Variants in CACNB4 observed in about 807,000 individuals in gnomAD.
The protein encoded by CACNB4 is voltage-dependent L-type calcium channel subunit beta-4.
CACNB4 carries 32 observed loss-of-function variants against 71.2 expected under a neutral mutation model. The ratio of observed to expected loss-of-function variants is 0.45; its 90% CI spans 0.34 to 0.60. The LOEUF (loss-of-function observed/expected upper bound fraction) is 0.60. Ranked by LOEUF, CACNB4 falls within the 20% of genes least tolerant of loss-of-function variation. The probability of loss-of-function intolerance (pLI) is 0.01; values close to 1 mark genes in which losing one functional copy is unlikely to be tolerated. For missense variants in CACNB4, 464 were observed against 647.9 expected (o/e 0.72, Z 3.08); for synonymous variants, 231 against 236.9 (o/e 0.97, Z 0.23).
At chr2:151,842,883 C>CTTAGGTATGTTGAAGGGA in intron 12 of CACNB4, among the ~76,000 whole-genome samples, 2 of 152,254 alleles carry the variant, frequency 1.3e-5, no homozygotes, top group South Asian at 4.1e-4. Flanking sequence ...AAGGGAATAA[C>CTTAGGTATGTTGAAGGGA]ATTTACTTAG....
intron 2 of CACNB4, among the ~76,000 whole-genome samples, chr2:151,893,528 C>T (rs2099851256): frequency 1.3e-5 from 2 of 152,088 alleles, no homozygotes; most frequent in Non-Finnish European, 2.9e-5. Context: ...AGGCATGAGC[C>T]ATCGCACTCA....
At chr2:151,999,502 A>G (rs1047289880) in intron 2 of CACNB4, among the ~76,000 whole-genome samples, 6 of 152,082 alleles carry the variant, frequency 3.9e-5, no homozygotes, top group Non-Finnish European at 7.3e-5. Context: ...AAAATGCACA[A>G]CAACAGCCCC....
At chr2:151,853,777 T>C in intron 11 of CACNB4, 1 of 362,228 alleles carries the variant, frequency 2.8e-6, no homozygotes, top group Non-Finnish European at 4.9e-6. Context: ...AGGAGGAGCC[T>C]GAGTTCCCAT....
At chr2:152,027,287 G>C (rs1427443289) in intron 2 of CACNB4, among the ~76,000 whole-genome samples, 1 of 152,198 alleles carries the variant, frequency 6.6e-6, no homozygotes, top group Non-Finnish European at 1.5e-5. Flanking sequence ...CATCTCCTTT[G>C]TATTGTTTCA....
intron 2 of CACNB4, among the ~76,000 whole-genome samples, chr2:151,942,234 G>C (rs955867051): frequency 6.7e-6 from 1 of 149,274 alleles, no homozygotes; most frequent in East Asian, 1.9e-4. Context: ...AGGAAGTCAG[G>C]GACCCCAAAT....
At chr2:152,049,106 C>G (rs1685283333) in intron 2 of CACNB4, among the ~76,000 whole-genome samples, 1 of 151,990 alleles carries the variant, frequency 6.6e-6, no homozygotes, top group Admixed American at 6.6e-5. Flanking sequence ...CCCATCATAA[C>G]TTGTTTTCCT....
chr2:151,839,462 C>CTTAT, intron 13 of CACNB4, 83 bp from the exon 14 acceptor site: 1 of 1,105,536 alleles, frequency 9.0e-7, no homozygotes, highest in Non-Finnish European at 1.3e-6. Context: ...ATCATAGGAT[C>CTTAT]TGTACAATAA....
intron 2 of CACNB4, among the ~76,000 whole-genome samples, chr2:151,915,504 C>G (rs970440292): frequency 6.6e-6 from 1 of 152,178 alleles, no homozygotes; most frequent in Admixed American, 6.5e-5. Context: ...CCCTCCCCTG[C>G]GGGGGTTCTG....
At position 151,949,544 on chromosome 2, in the gene CACNB4, G is replaced by A. The variant is rs374305088; in HGVS notation, c.148-66174C>T. Among the ~76,000 whole-genome samples the A allele has an allele frequency of 7.9e-5, 12 of 152,184 alleles. No individual in the cohort carries two copies. The South Asian group carries it at 8.3e-4, about 11-fold the overall frequency. ...AAGAAGGTATAAAACAGCATGGTCC[G>A]TTCAGGGACCTACCAAGTAGGTGAT... On this transcript the variant is annotated intron_variant, in intron 2 of 13. Coordinates refer to ENST00000539935, the MANE Select transcript of CACNB4 (RefSeq NM_000726.5).
chr2:151,915,542 G>T (rs1236246151), intron 2 of CACNB4, among the ~76,000 whole-genome samples: 1 of 152,186 alleles, frequency 6.6e-6, no homozygotes, highest in Non-Finnish European at 1.5e-5. Context: ...CAGCTGAGAG[G>T]CTGTAAGAAT....
intron 2 of CACNB4, among the ~76,000 whole-genome samples, chr2:151,955,830 A>T (rs922691151): frequency 6.6e-6 from 1 of 152,048 alleles, no homozygotes; most frequent in Admixed American, 6.6e-5. Flanking sequence ...TGAGCCCAAG[A>T]TGTCAAGGCT....
At chr2:151,842,393 C>T (rs879538957) in intron 12 of CACNB4, among the ~76,000 whole-genome samples, 18 of 140,774 alleles carry the variant, frequency 1.3e-4, no homozygotes, top group South Asian at 2.3e-4. Context: ...TGCAATGGCA[C>T]GATCTCGGCT....
chr2:151,982,287 T>C (rs1156509618), intron 2 of CACNB4, among the ~76,000 whole-genome samples: 1 of 152,014 alleles, frequency 6.6e-6, no homozygotes, highest in Non-Finnish European at 1.5e-5. Context: ...TTCTTGCCAA[T>C]ACAATAGGAG....
chr2:152,004,532 TACACACACACACAC>T (rs5835400), intron 2 of CACNB4, among the ~76,000 whole-genome samples: 7 of 149,312 alleles, frequency 4.7e-5, no homozygotes, highest in Middle Eastern at 3.2e-3. Context: ...TTTACATACA[TACACACACACACAC>T]ACACACACAC....
At chr2:152,033,894 C>T (rs1330138913) in intron 2 of CACNB4, among the ~76,000 whole-genome samples, 1 of 152,170 alleles carries the variant, frequency 6.6e-6, no homozygotes, top group African/African-American at 2.4e-5. Flanking sequence ...TTGTAGGTAA[C>T]AGACATTTCC....
chr2:151,865,398 A>G (rs138142217), intron 9 of CACNB4, among the ~76,000 whole-genome samples: 36 of 152,198 alleles, frequency 2.4e-4, no homozygotes, highest in African/African-American at 8.4e-4. Context: ...CACGATGTTC[A>G]TCTAAGATTT....
intron 2 of CACNB4, among the ~76,000 whole-genome samples, chr2:151,892,512 T>C (rs528842148): frequency 1.3e-5 from 2 of 152,184 alleles, no homozygotes; most frequent in African/African-American, 4.8e-5. Flanking sequence ...GATGAAAAAA[T>C]ATCTTTAAAT....
intron 2 of CACNB4, among the ~76,000 whole-genome samples, chr2:152,015,690 G>A (rs1394513134): frequency 6.6e-6 from 1 of 152,230 alleles, no homozygotes; most frequent in African/African-American, 2.4e-5. Context: ...GTTCCAGATA[G>A]GGGCTGTTCT....
intron 10 of CACNB4, among the ~76,000 whole-genome samples, chr2:151,855,751 AG>A (rs2151359877): frequency 6.6e-6 from 1 of 152,344 alleles, no homozygotes; most frequent in East Asian, 1.9e-4. Flanking sequence ...ATATGTGCAA[AG>A]CAACATCACA....
Sources: allele counts gnomAD v4.1 joint callset (sites outside exome capture counted in the v4.1 genomes callset), GRCh38; gene constraint gnomAD v4.1.1; transcripts MANE v1.5; gene names NCBI Gene and HGNC (gene_info 2026-07-23, HGNC 2026-07-21).